RASAL3: variants seen among roughly 807,000 people sequenced by gnomAD.
RASAL3 encodes the protein RAS protein activator like 3, also known as RAS protein activator like-3.
In RASAL3, 74 loss-of-function variants were observed where a neutral mutation model predicts 105.5. The ratio of observed to expected loss-of-function variants is 0.70; its 90% CI spans 0.58 to 0.85. The LOEUF (loss-of-function observed/expected upper bound fraction) is 0.85. Among genes scored for constraint, RASAL3 ranks in the 40% least tolerant of loss-of-function variants. The pLI, the probability that RASAL3 is intolerant of heterozygous loss-of-function variation, is 0.00. For missense variants in RASAL3, 1,352 were observed against 1,392.0 expected (o/e 0.97, Z 0.46); for synonymous variants, 579 against 591.6 (o/e 0.98, Z 0.31).
rs558805318 is a variant in RASAL3 at position 15,457,788 on chromosome 19, T to G, written c.935A>C (p.Glu312Ala). 4.5e-6 allele frequency: 7 copies of G among 1,548,222 alleles called. No homozygotes were observed. The Admixed American group carries it at 1.2e-4, about 26-fold the overall frequency. ...EETWLSVWVHEAKGLPRAAAG... is the reference protein window; with the variant it reads ...EETWLSVWVHAAKGLPRAAAG... ...CGCTGCTCGGGGAAGCCCCTTCGCTTCGTGCACCCACACGCTCAGCCATGT... is the reference window on the plus strand; with the variant it reads ...CGCTGCTCGGGGAAGCCCCTTCGCTGCGTGCACCCACACGCTCAGCCATGT... The change falls in exon 9 of 18, where the codon GAA becomes GCA. Residue 312 changes from glutamate to alanine, a missense_variant. Glu to Ala is a moderately radical substitution (Grantham distance 107, BLOSUM62 -1). Transcript: ENST00000343625. This position sits in a 1 kb window ranked among gnomAD's most constrained non-coding sequence, Gnocchi z 8.6.
Position 15,463,892 on chromosome 19 carries a change from G to T in RASAL3, c.328+139C>A, listed in dbSNP as rs1005459980. The T allele has an allele frequency of 3.7e-5, 28 of 752,546 alleles. No individual in the cohort carries two copies. In the African/African-American group the frequency reaches 4.9e-4, roughly 13 times the overall value. The allele number at this position is 752,546 out of a possible 1,614,324, so 46.6% of individuals were successfully genotyped here. A position where few individuals can be genotyped will look rare whatever the true frequency, so the allele number is the denominator to read the frequency against. ...GGGGGAAAGAGGGAACAGGGTAGCTGGGCCCCAGCGGCTTCCTGCTGGGCT... is the reference window on the plus strand; with the variant it reads ...GGGGGAAAGAGGGAACAGGGTAGCTTGGCCCCAGCGGCTTCCTGCTGGGCT... On this transcript the variant is annotated intron_variant, in intron 2 of 17. Transcript: ENST00000343625.
In RASAL3 at chr19:15,456,384, T is replaced by C. The variant is rs1299007768; in HGVS notation, c.1576+118A>G. ...GAGCTCCCAATTGTCCCCAGGATCC[T>C]AGCACCCCCAAAACACCACTCACTA... On this transcript the variant is annotated intron_variant, in intron 10 of 17. Coordinates refer to ENST00000343625, the MANE Select transcript of RASAL3 (RefSeq NM_022904.3). The surrounding 1 kb of genome is among the most constrained non-coding windows in gnomAD (Gnocchi z 4.4). 6 of 1,522,536 alleles carry C rather than the reference T, an allele frequency of 3.9e-6. No individual in the cohort carries two copies. The highest frequency in any genetic ancestry group is 3.4e-4 in the Middle Eastern group (2 of 5,812). 94.3% of individuals were successfully genotyped at this position (1,522,536 alleles called of 1,614,324 possible).
chr19:15,454,999 C>T (rs1970275445), intron 11 of RASAL3, 106 bp from the exon 12 acceptor site: 2 of 826,382 alleles, frequency 2.4e-6, no homozygotes, highest in African/African-American at 1.7e-5. Context: ...GGTCCATGAT[C>T]CTCCAGAGAG....
At position 15,456,493 on chromosome 19, in the gene RASAL3, C is replaced by A; in HGVS notation, c.1576+9G>T. On this transcript the variant is annotated intron_variant, in intron 10 of 17. Transcript: ENST00000343625. This position sits in a 1 kb window ranked among gnomAD's most constrained non-coding sequence, Gnocchi z 4.4. ...GCAGGCCGCTGACATGGACTCTCCCCCAGCTCACCCAGGGTCTCCTGGAGG... is the reference window on the plus strand; with the variant it reads ...GCAGGCCGCTGACATGGACTCTCCCACAGCTCACCCAGGGTCTCCTGGAGG... The A allele has an allele frequency of 6.2e-7, 1 of 1,613,382 alleles. No individual in the cohort carries two copies. The highest frequency in any genetic ancestry group is 8.5e-7 in the Non-Finnish European group (1 of 1,179,646).
In RASAL3 at chr19:15,458,570, G is replaced by C. The variant is rs1970404420; in HGVS notation, c.748C>G (p.Pro250Ala). The change falls in exon 7 of 18, where the codon CCA becomes GCA. Residue 250 changes from proline (P) to alanine (A), a missense_variant. Coordinates refer to ENST00000343625, the MANE Select transcript of RASAL3 (RefSeq NM_022904.3). The part of the protein sequence containing the change: ...LGAERDVRIW[P>A]LHPSLLGEPH... ...TCCCCCAGGAGGCTGGGGTGCAGTGGCCAGATCCGCACATCCCGCTCGGCA... is the reference window on the plus strand; with the variant it reads ...TCCCCCAGGAGGCTGGGGTGCAGTGCCCAGATCCGCACATCCCGCTCGGCA... 1 of 1,613,686 alleles carries C rather than the reference G, an allele frequency of 6.2e-7. No homozygotes were observed. The highest frequency in any genetic ancestry group is 1.1e-5 in the South Asian group (1 of 91,028).
chr19:15,458,045 C>G (rs1248393835), intron 8 of RASAL3: 4 of 648,644 alleles, frequency 6.2e-6, no homozygotes, highest in Admixed American at 2.9e-5. Context: ...GAGTTGGGGG[C>G]TCCAGGGCAT....
In RASAL3 at chr19:15,456,789, A is replaced by G. The variant is rs1970335724; in HGVS notation, c.1432-143T>C. ...GGCCCAGTCCTTACTGCTGGGGCTC[A>G]TAACCGAGGCCGGAACCTCTAACCC... On this transcript the variant is annotated intron_variant, in intron 9 of 17. Coordinates refer to ENST00000343625, the MANE Select transcript of RASAL3 (RefSeq NM_022904.3). The surrounding 1 kb of genome is among the most constrained non-coding windows in gnomAD (Gnocchi z 4.4). The G allele has an allele frequency of 9.6e-7, 1 of 1,037,064 alleles. No homozygotes were observed. The highest frequency in any genetic ancestry group is 1.6e-5 in the African/African-American group (1 of 61,954). The allele number at this position is 1,037,064 out of a possible 1,614,324, so 64.2% of individuals were successfully genotyped here. A position where few individuals can be genotyped will look rare whatever the true frequency, so the allele number is the denominator to read the frequency against.
At position 15,457,447 on chromosome 19, in the gene RASAL3, C is replaced by G. The variant is rs146624357; in HGVS notation, c.1276G>C (p.Val426Leu). 13 of 1,412,604 alleles carry G rather than the reference C, an allele frequency of 9.2e-6. No individual in the cohort carries two copies. The East Asian group carries it at 3.8e-4, about 41-fold the overall frequency. 87.5% of individuals were successfully genotyped at this position (1,412,604 alleles called of 1,614,324 possible). ...TCCTTGTAGCGCTCGGACGGCAGCA[C>G]GCGCAGGCGACGCGCCCGAATCCGC... Reference protein sequence around the residue: ...RARIRARRLRVLPSERYKELA... With the variant: ...RARIRARRLRLLPSERYKELA... The change falls in exon 9 of 18, where the codon GTG (valine) becomes CTG (leucine). Residue 426 changes from valine (V) to leucine (L), a missense_variant. Physicochemically the swap from Val to Leu is conservative, Grantham distance 32. Around this residue, in one of 3 missense-constraint regions of RASAL3, gnomAD observed 920 missense variants for 919.6 expected, o/e 1.00. Coordinates refer to ENST00000343625, the MANE Select transcript of RASAL3 (RefSeq NM_022904.3). The surrounding 1 kb of genome is among the most constrained non-coding windows in gnomAD (Gnocchi z 8.6).
rs1205883265 is a variant in RASAL3, at chr19:15,454,763, G to A, written c.1852C>T (p.Leu618=). Residue 618 remains leucine, a synonymous_variant, in exon 12 of 18, where the codon CTG becomes TTG. Coordinates refer to ENST00000343625, the MANE Select transcript of RASAL3 (RefSeq NM_022904.3). The part of the protein sequence containing the change: ...LFLRLLCPAI[L]APSLFGLAPD... ...GCCAAACCAAAGAGGCTGGGTGCCAGGATGGCAGGGCACAGGAGCCGCAGG... is the reference window on the plus strand; with the variant it reads ...GCCAAACCAAAGAGGCTGGGTGCCAAGATGGCAGGGCACAGGAGCCGCAGG... 1 of 1,605,416 alleles carries A rather than the reference G, an allele frequency of 6.2e-7. No homozygotes were observed. Among genetic ancestry groups the A allele is most frequent in the East Asian group, 2.2e-5 (1 of 44,556 alleles).
intron 6 of RASAL3, 55 bp downstream of exon 6, chr19:15,460,145 TGGA>T (rs1444895415): frequency 2.1e-6 from 3 of 1,410,830 alleles, no homozygotes; most frequent in East Asian, 2.4e-5. Context: ...ATGCAGGAGG[TGGA>T]GGAGGAGGGG....
intron 16 of RASAL3, 45 bp downstream of exon 16, chr19:15,452,613 T>A: frequency 7.0e-6 from 9 of 1,278,604 alleles, no homozygotes; most frequent in Non-Finnish European, 7.2e-6. Flanking sequence ...TCTAATTGGA[T>A]CGGGCCCACC....
rs1023664011 is a variant in RASAL3, at chr19:15,456,330, G to A, written c.1577-82C>T. ...ACCCATCCTCCAACCTTGTCTTCAG[G>A]TTATTCCGGAGGCACCCAACATCTT... On this transcript the variant is annotated intron_variant, in intron 10 of 17. Transcript: ENST00000343625. This position sits in a 1 kb window ranked among gnomAD's most constrained non-coding sequence, Gnocchi z 4.4. The A allele has an allele frequency of 6.4e-7, 1 of 1,571,458 alleles. No homozygotes were observed. Among genetic ancestry groups the A allele is most frequent in the Non-Finnish European group, 8.7e-7 (1 of 1,155,370 alleles).
rs758500512 is a variant in RASAL3, at chr19:15,460,274, T to A, written c.607-16A>T. ...TGAGCAACCCCTGTGGGGAAGGGAA[T>A]GTCAGCTGGACAGAAATCTGTGCTC... is the stretch of plus-strand genomic sequence containing the variant. On this transcript the variant is annotated splice_polypyrimidine_tract_variant and intron_variant, in intron 5 of 17. Coordinates refer to ENST00000343625, the MANE Select transcript of RASAL3 (RefSeq NM_022904.3). The A allele has an allele frequency of 6.2e-7, 1 of 1,601,784 alleles. No individual in the cohort carries two copies. Among genetic ancestry groups the A allele is most frequent in the African/African-American group, 1.3e-5 (1 of 74,734 alleles).
intron 6 of RASAL3, among the ~76,000 whole-genome samples, chr19:15,459,642 A>G (rs1435924763): frequency 6.6e-6 from 1 of 150,622 alleles, no homozygotes; most frequent in Non-Finnish European, 1.5e-5. Flanking sequence ...GGCTCAAGCA[A>G]TCCTCCCACT....
intron 16 of RASAL3, 81 bp downstream of exon 16, chr19:15,452,577 G>C (rs1244882292): frequency 3.1e-5 from 7 of 228,066 alleles, no homozygotes; most frequent in Admixed American, 3.8e-4. Flanking sequence ...GCGTGGTTTG[G>C]GGGGGGGGGG....
chr19:15,457,424 C>A lies in RASAL3; in HGVS notation c.1299G>T (p.Lys433Asn). The stretch of plus-strand genomic sequence containing the variant: ...GGAAGGTGAGGAACTCCGCCAGCTC[C>A]TTGTAGCGCTCGGACGGCAGCACGC... ...RLRVLPSERY[K>N]ELAEFLTFHY... The change falls in exon 9 of 18, where the codon AAG (lysine) becomes AAT (asparagine). Residue 433 changes from lysine (K) to asparagine (N), a missense_variant. Transcript: ENST00000343625. The surrounding 1 kb of genome is among the most constrained non-coding windows in gnomAD (Gnocchi z 8.6). 6.9e-7 allele frequency: 1 copy of A among 1,441,114 alleles called. No individual in the cohort carries two copies. The highest frequency in any genetic ancestry group is 9.1e-7 in the Non-Finnish European group (1 of 1,100,052). The allele number at this position is 1,441,114 out of a possible 1,614,324, so 89.3% of individuals were successfully genotyped here.
In RASAL3 at chr19:15,456,346, C is replaced by A; in HGVS notation, c.1577-98G>T. The A allele has an allele frequency of 6.5e-7, 1 of 1,549,338 alleles. No individual in the cohort carries two copies. The highest frequency in any genetic ancestry group is 8.7e-7 in the Non-Finnish European group (1 of 1,143,138). On this transcript the variant is annotated intron_variant, in intron 10 of 17. Coordinates refer to ENST00000343625, the MANE Select transcript of RASAL3 (RefSeq NM_022904.3). The surrounding 1 kb of genome is among the most constrained non-coding windows in gnomAD (Gnocchi z 4.4). ...TGTCTTCAGGTTATTCCGGAGGCAC[C>A]CAACATCTTGGGGAGCTCCCAATTG... is the stretch of plus-strand genomic sequence containing the variant.
Position 15,453,220 on chromosome 19 carries a change from A to C in RASAL3, c.2557T>G (p.Trp853Gly). 1.9e-6 allele frequency: 3 copies of C among 1,606,158 alleles called. No homozygotes were observed. Among genetic ancestry groups the C allele is most frequent in the Non-Finnish European group, 2.5e-6 (3 of 1,177,060 alleles). ...GGCAGCGAGGCGGAGTCCCGGGTCC[A>C]AGGCCGGGCGCGGGGCGCTGGTCCC... ...SMGPAPRARP[W>G]TRDSASLPRK... is the part of the protein sequence containing the mutation. The change falls in exon 15 of 18, where the codon TGG becomes GGG. Residue 853 changes from tryptophan (W) to glycine (G), a missense_variant. This residue lies in a region of RASAL3 where 920 missense variants were observed against 919.6 expected (regional missense o/e 1.00). Transcript: ENST00000343625. The surrounding 1 kb of genome is among the most constrained non-coding windows in gnomAD (Gnocchi z 4.2).
rs1343366443 is a variant in RASAL3, at chr19:15,451,815, G to A, written c.3016C>T (p.Leu1006Phe). The A allele has an allele frequency of 1.9e-6, 3 of 1,600,792 alleles. No homozygotes were observed. Among genetic ancestry groups the A allele is most frequent in the Non-Finnish European group, 2.6e-6 (3 of 1,170,382 alleles). The change falls in exon 18 of 18, where the codon CTC becomes TTC. Residue 1006 changes from leucine (L) to phenylalanine (F), a missense_variant. Coordinates refer to ENST00000343625, the MANE Select transcript of RASAL3 (RefSeq NM_022904.3). ...GCAGCTCAGGTGGTGTCTCCATTGA[G>A]GCAGGGTGCTTTGAGGGGCTGGGGT... ...SQPQPLKAPC[L>F]NGDTT
Sources: allele counts gnomAD v4.1 joint callset (sites outside exome capture counted in the v4.1 genomes callset), GRCh38; gene constraint gnomAD v4.1.1; regional missense constraint gnomAD v4.1.1; non-coding constraint Gnocchi (gnomAD v3.1); transcripts MANE v1.5; gene names NCBI Gene and HGNC (gene_info 2026-07-23, HGNC 2026-07-21).